NUS1: variants seen among roughly 807,000 people sequenced by gnomAD.
NUS1 encodes the protein NUS1 dehydrodolichyl diphosphate synthase subunit.
For synonymous variants in NUS1, 135 were observed against 155.2 expected, an observed-to-expected ratio of 0.87 and a Z score of 0.97; for missense variants, 292 against 382.9, an observed-to-expected ratio of 0.76 and a Z score of 1.98.
intron 1 of NUS1, among the ~76,000 whole-genome samples, chr6:117,683,077 AGTTT>A (rs1220361954): frequency 6.6e-6 from 1 of 152,242 alleles, no homozygotes; most frequent in Non-Finnish European, 1.5e-5. Flanking sequence ...TTGAGCTGTT[AGTTT>A]GTCAGGTGAG....
intron 1 of NUS1, 99 bp from the exon 2 acceptor site, chr6:117,692,943 C>T (rs779006304): frequency 6.4e-5 from 60 of 937,164 alleles, no homozygotes; most frequent in Non-Finnish European, 8.8e-5. Flanking sequence ...GTTTGACATT[C>T]GTTTAGTTCT....
chr6:117,696,325 G>A (rs151275504), intron 3 of NUS1, among the ~76,000 whole-genome samples: 4 of 152,222 alleles, frequency 2.6e-5, no homozygotes, highest in Non-Finnish European at 5.9e-5. Context: ...AGGAGATACA[G>A]AGAGAGAACG....
At chr6:117,690,144 T>C (rs190610908) in intron 1 of NUS1, among the ~76,000 whole-genome samples, 2 of 152,352 alleles carry the variant, frequency 1.3e-5, no homozygotes, top group African/African-American at 4.8e-5. Context: ...GCTCCTGATA[T>C]TAATCACCTT....
In NUS1 at chr6:117,675,937, G is replaced by A. The variant is rs1456971720; in HGVS notation, c.267G>A (p.Ala89=). The A allele has an allele frequency of 6.5e-7, 1 of 1,545,094 alleles. No homozygotes were observed. Among genetic ancestry groups the A allele is most frequent in the Admixed American group, 2.0e-5 (1 of 50,864 alleles). ...AAAHHRMRWR[A]DGRSLEKLPV... Reference sequence around the variant, plus strand: ...CACACCACCGGATGCGCTGGCGCGCGGACGGTCGTTCCTTGGAGAAGCTGC... The same window carrying A: ...CACACCACCGGATGCGCTGGCGCGCAGACGGTCGTTCCTTGGAGAAGCTGC... Residue 89 remains alanine, a synonymous_variant, in exon 1 of 5, where the codon GCG becomes GCA. Transcript: ENST00000368494.
chr6:117,702,237 C>T (rs74498762), intron 3 of NUS1, among the ~76,000 whole-genome samples: 2,110 of 152,266 alleles, frequency 0.014, 23 homozygotes, highest in Admixed American at 0.035. Context: ...GAATTTCCCA[C>T]CTTTAACTGT....
intron 1 of NUS1, among the ~76,000 whole-genome samples, chr6:117,681,012 A>C (rs536909173): frequency 6.6e-6 from 1 of 152,198 alleles, no homozygotes; most frequent in South Asian, 2.1e-4. Context: ...ACCTTTTGCT[A>C]TGTCTGTATT....
chr6:117,695,451 C>T (rs1773306152), intron 3 of NUS1, among the ~76,000 whole-genome samples: 1 of 152,084 alleles, frequency 6.6e-6, no homozygotes, highest in African/African-American at 2.4e-5. Context: ...TCAGATGTTA[C>T]TGGGATGTTG....
At chr6:117,700,560 C>G (rs1254206445) in intron 3 of NUS1, among the ~76,000 whole-genome samples, 3 of 152,168 alleles carry the variant, frequency 2.0e-5, no homozygotes, top group Non-Finnish European at 4.4e-5. Context: ...GTGTGGAGAA[C>G]AGTTTGGAGG....
intron 1 of NUS1, among the ~76,000 whole-genome samples, chr6:117,679,937 G>A (rs911739049): frequency 6.6e-6 from 1 of 152,094 alleles, no homozygotes; most frequent in Non-Finnish European, 1.5e-5. Context: ...GAGATGGACG[G>A]GCAGCCACTT....
chr6:117,703,338 T>TGG lies in NUS1; in HGVS notation c.692-265_692-264dup, dbSNP rs529571887. On this transcript the variant is annotated intron_variant, in intron 3 of 4. Transcript: ENST00000368494. ...CACCTATTGGGTATAGTGTGGGAGG[T>TGG]GGGTTACCCTTTCTTATCAGGTAAT... 5.5e-4 allele frequency among the ~76,000 whole-genome samples: 84 copies of TGG among 152,150 alleles called. 1 individual carries two copies. The highest frequency in any genetic ancestry group is 1.0e-3 in the Non-Finnish European group (70 of 67,986).
intron 1 of NUS1, among the ~76,000 whole-genome samples, chr6:117,680,564 C>T (rs1378658267): frequency 6.6e-6 from 1 of 152,180 alleles, no homozygotes; most frequent in Non-Finnish European, 1.5e-5. Flanking sequence ...GCAGATTCAA[C>T]ACACTTAGTA....
chr6:117,677,341 G>A (rs766669018), intron 1 of NUS1, among the ~76,000 whole-genome samples: 1 of 152,122 alleles, frequency 6.6e-6, no homozygotes, highest in Non-Finnish European at 1.5e-5. Flanking sequence ...AGTGGAGGTG[G>A]GATTTAAGCA....
chr6:117,708,621 A>G lies in NUS1; in HGVS notation c.*1606A>G, dbSNP rs1018531394. The G allele has an allele frequency of 4.0e-4, 61 of 152,084 alleles. No individual in the cohort carries two copies. The highest frequency in any genetic ancestry group is 1.5e-3 in the African/African-American group (60 of 41,356). 9.4% of individuals were successfully genotyped at this position (152,084 alleles called of 1,614,324 possible). Reference sequence around the variant, plus strand: ...CCAGTGACATTACTTTGCACTGCATAATCCATTATACGTTGTACGACTTTT... The same window carrying G: ...CCAGTGACATTACTTTGCACTGCATGATCCATTATACGTTGTACGACTTTT... On this transcript the variant is annotated 3_prime_UTR_variant, in exon 5 of 5. Transcript: ENST00000368494.
At chr6:117,683,202 TC>T (rs1409273111) in intron 1 of NUS1, among the ~76,000 whole-genome samples, 1 of 152,186 alleles carries the variant, frequency 6.6e-6, no homozygotes, top group East Asian at 1.9e-4. Flanking sequence ...AGGACTTAAA[TC>T]TAGCCCTCAT....
At position 117,708,304 on chromosome 6, in the gene NUS1, T is replaced by C. The variant is rs1773529095; in HGVS notation, c.*1289T>C. 1 of 152,576 alleles carries C rather than the reference T, an allele frequency of 6.6e-6. No homozygotes were observed. The highest frequency in any genetic ancestry group is 2.1e-4 in the South Asian group (1 of 4,832). The allele number at this position is 152,576 out of a possible 1,614,324, so 9.5% of individuals were successfully genotyped here. A position where few individuals can be genotyped will look rare whatever the true frequency, so the allele number is the denominator to read the frequency against. ...TGTTTAATATTTCTTCCCTCACTGC[T>C]GATTCTTAGATAGAAACCATTCTTT... On this transcript the variant is annotated 3_prime_UTR_variant, in exon 5 of 5. Transcript: ENST00000368494.
chr6:117,706,983 T>C lies in NUS1; in HGVS notation c.850T>C (p.Tyr284His). 6.2e-7 allele frequency: 1 copy of C among 1,612,872 alleles called. No homozygotes were observed. The highest frequency in any genetic ancestry group is 8.5e-7 in the Non-Finnish European group (1 of 1,179,008). The change falls in exon 5 of 5, where the codon TAT becomes CAT. Residue 284 changes from tyrosine to histidine, a missense_variant. Physicochemically the swap from Tyr to His is moderately conservative, Grantham distance 83. Transcript: ENST00000368494. ...YEDFFSALRQ[Y>H]AACEQRLGK ...GGACTTTTTCTCTGCCCTTCGTCAA[T>C]ATGCAGCCTGTGAACAGCGTCTGGG... is the stretch of plus-strand genomic sequence containing the variant.
rs1582460811 is a variant in NUS1 at position 117,675,647 on chromosome 6, G to A, written c.-24G>A. On this transcript the variant is annotated 5_prime_UTR_variant, in exon 1 of 5. Coordinates refer to ENST00000368494, the MANE Select transcript of NUS1 (RefSeq NM_138459.5). ...CTGCGGGAGTGGGCGGGAGGGAGAGGGGGTGTCTGAGGGCCACAAGAGTAT... is the reference window on the plus strand; with the variant it reads ...CTGCGGGAGTGGGCGGGAGGGAGAGAGGGTGTCTGAGGGCCACAAGAGTAT... The A allele has an allele frequency of 3.6e-6, 5 of 1,392,868 alleles. No individual in the cohort carries two copies. In the East Asian group the frequency reaches 7.2e-5, roughly 20 times the overall value. 86.3% of individuals were successfully genotyped at this position (1,392,868 alleles called of 1,614,324 possible).
rs867607117 is a variant in NUS1 at position 117,693,261 on chromosome 6, C to T, written c.541+94C>T. On this transcript the variant is annotated intron_variant, in intron 2 of 4. Transcript: ENST00000368494. ...TGTTACTCTGTCATTTATTCATTCACGTTGCTCTGTTACTCTTTATTGTCA... is the reference window on the plus strand; with the variant it reads ...TGTTACTCTGTCATTTATTCATTCATGTTGCTCTGTTACTCTTTATTGTCA... 12 of 1,254,226 alleles carry T rather than the reference C, an allele frequency of 9.6e-6. No homozygotes were observed. The Middle Eastern group carries it at 1.5e-3, about 158-fold the overall frequency. 77.7% of individuals were successfully genotyped at this position (1,254,226 alleles called of 1,614,324 possible). A position where few individuals can be genotyped will look rare whatever the true frequency, so the allele number is the denominator to read the frequency against.
At chr6:117,695,010 C>A (rs1773295665) in intron 3 of NUS1, among the ~76,000 whole-genome samples, 1 of 151,878 alleles carries the variant, frequency 6.6e-6, no homozygotes, top group Admixed American at 6.6e-5. Flanking sequence ...ACCTGCGCAA[C>A]ATAGCAAAAC....
Sources: gnomAD v4.1 joint callset for allele counts (sites outside exome capture counted in the v4.1 genomes callset) on GRCh38, gnomAD v4.1.1 for gene constraint, MANE v1.5 for transcripts, NCBI Gene and HGNC (gene_info 2026-07-23, HGNC 2026-07-21) for gene names.